Variants in C3orf22 observed in about 807,000 individuals in gnomAD.
The protein encoded by C3orf22 is uncharacterized protein C3orf22.
A neutral mutation model predicts 10.8 loss-of-function variants in C3orf22; 7 were observed. The ratio of observed to expected loss-of-function variants is 0.65; its 90% CI spans 0.37 to 1.22. The LOEUF is 1.22. Among genes scored for constraint, C3orf22 ranks in the 50% most tolerant of loss-of-function variants. The probability of loss-of-function intolerance (pLI) is 0.02; values close to 1 mark genes in which losing one functional copy is unlikely to be tolerated. For missense variants in C3orf22, 173 were observed against 177.0 expected, an observed-to-expected ratio of 0.98 and a Z score of 0.13; for synonymous variants, 79 against 78.9, an observed-to-expected ratio of 1.00 and a Z score of 0.00.
At chr3:126,551,596 C>T (rs774597016) in intron 3 of C3orf22, among the ~76,000 whole-genome samples, 1 of 152,196 alleles carries the variant, frequency 6.6e-6, no homozygotes, top group Non-Finnish European at 1.5e-5. Context: ...GAGGTCCCTG[C>T]CAGGGCCTCC....
intron 4 of C3orf22, chr3:126,542,693 C>T: frequency 7.4e-7 from 1 of 1,343,368 alleles, no homozygotes. Flanking sequence ...CGTGCACTCA[C>T]CTGGCCGCCG....
At chr3:126,527,738 T>C (rs966769801) in exon 6 of C3orf22, 3 of 152,058 alleles carry the variant, frequency 2.0e-5, no homozygotes, top group African/African-American at 7.3e-5. Flanking sequence ...TGGAGCCAAA[T>C]TGGTAGATGC....
At chr3:126,549,197 A>G (rs1035241964), downstream of C3orf22, among the ~76,000 whole-genome samples, 3 of 151,612 alleles carry the variant, frequency 2.0e-5, no homozygotes, top group Non-Finnish European at 4.4e-5. Context: ...TCCTGTCCCC[A>G]GGTCCCCCAT....
At chr3:126,557,960 T>C (rs1206501827) in intron 1 of C3orf22, among the ~76,000 whole-genome samples, 1 of 113,186 alleles carries the variant, frequency 8.8e-6, no homozygotes, top group Non-Finnish European at 1.8e-5. Context: ...CCCACAGTCC[T>C]GCAGCCACAG....
At chr3:126,529,226 C>A in exon 5 of C3orf22, 2 of 962,300 alleles carry the variant, frequency 2.1e-6, no homozygotes, top group South Asian at 1.3e-5. Flanking sequence ...GTGTTTCACC[C>A]GGTATCTTGA....
chr3:126,536,149 G>C (rs915323500), intron 4 of C3orf22: 2 of 749,258 alleles, frequency 2.7e-6, no homozygotes, highest in African/African-American at 3.5e-5. Flanking sequence ...AGGTAGGCAA[G>C]ATCCGGGAAG....
intron 1 of C3orf22, 92 bp from the exon 2 acceptor site, chr3:126,553,522 G>A (rs1276896574): frequency 2.6e-5 from 21 of 808,892 alleles, no homozygotes; most frequent in East Asian, 1.7e-4. Context: ...GGGTGCCTGC[G>A]GGCCGCCAAA....
chr3:126,541,685 C>T (rs1936958926), intron 4 of C3orf22: 2 of 1,380,672 alleles, frequency 1.4e-6, no homozygotes, highest in African/African-American at 1.5e-5. Flanking sequence ...GTCAGGGAGC[C>T]CGCGCTGCCC....
intron 4 of C3orf22, among the ~76,000 whole-genome samples, chr3:126,531,330 A>C (rs945471496): frequency 7.2e-5 from 11 of 152,376 alleles, no homozygotes; most frequent in Middle Eastern, 3.4e-3. Flanking sequence ...CCTGTTCCTC[A>C]GATTTCCCAA....
chr3:126,530,890 C>T (rs1936643593), intron 4 of C3orf22, among the ~76,000 whole-genome samples: 1 of 152,252 alleles, frequency 6.6e-6, no homozygotes, highest in South Asian at 2.1e-4. Flanking sequence ...GGAGTCTGGC[C>T]CTTGTTCCTG....
intron 4 of C3orf22, among the ~76,000 whole-genome samples, chr3:126,539,723 C>T (rs1391053083): frequency 9.6e-6 from 1 of 103,768 alleles, no homozygotes; most frequent in Non-Finnish European, 2.0e-5. Flanking sequence ...CACACACACC[C>T]CCCACACCAC....
chr3:126,537,506 C>T (rs1049094530), intron 4 of C3orf22, among the ~76,000 whole-genome samples: 51 of 152,162 alleles, frequency 3.4e-4, no homozygotes, highest in African/African-American at 1.2e-3. Context: ...GAGGGCTGAG[C>T]GGAAGGGGCC....
chr3:126,551,246 AC>A (rs373707860), intron 3 of C3orf22, among the ~76,000 whole-genome samples: 67 of 136,808 alleles, frequency 4.9e-4, no homozygotes, highest in East Asian at 1.8e-3. Flanking sequence ...GTCAACACAG[AC>A]CCCCCCCTGC....
chr3:126,539,772 A>ACGT, intron 4 of C3orf22, among the ~76,000 whole-genome samples: 1 of 63,482 alleles, frequency 1.6e-5, no homozygotes, highest in African/African-American at 7.6e-5. Context: ...CCACACACAC[A>ACGT]GCACACACAC....
At chr3:126,529,211 G>T in exon 5 of C3orf22, 7 of 835,122 alleles carry the variant, frequency 8.4e-6, no homozygotes, top group South Asian at 6.9e-5. Context: ...TAGGTTTCTA[G>T]TGTGGTGTTT....
intron 4 of C3orf22, among the ~76,000 whole-genome samples, chr3:126,536,941 C>G (rs1008175243): frequency 6.6e-6 from 1 of 151,398 alleles, no homozygotes; most frequent in Non-Finnish European, 1.5e-5. Context: ...CACACAAGTA[C>G]TTATTCGGAC....
Position 126,542,319 on chromosome 3 carries a change from C to G in C3orf22, c.286+7218G>C, listed in dbSNP as rs370535687. 23 of 1,568,850 alleles carry G rather than the reference C, an allele frequency of 1.5e-5. No individual in the cohort carries two copies. The highest frequency in any genetic ancestry group is 2.0e-5 in the Non-Finnish European group (23 of 1,160,682). On this transcript the variant is annotated intron_variant and NMD_transcript_variant, in intron 4 of 5. Transcript: ENST00000505070. The stretch of plus-strand genomic sequence containing the variant: ...GAGCGCGCGCACGCGCTCTGCCACC[C>G]GTGTCGCCTCCGCTACGACGTCGTG...
chr3:126,540,606 G>A (rs1217400432), intron 4 of C3orf22, among the ~76,000 whole-genome samples: 3 of 152,206 alleles, frequency 2.0e-5, no homozygotes, highest in Non-Finnish European at 4.4e-5. Flanking sequence ...TTGCATGGAT[G>A]GCCGCATACA....
intron 4 of C3orf22, among the ~76,000 whole-genome samples, chr3:126,534,643 C>T (rs999313920): frequency 2.0e-5 from 3 of 148,424 alleles, no homozygotes; most frequent in Non-Finnish European, 3.0e-5. Context: ...TGTCCTCAGC[C>T]GGGAGACAGA....
Sources: allele counts gnomAD v4.1 joint callset (sites outside exome capture counted in the v4.1 genomes callset), GRCh38; gene constraint gnomAD v4.1.1; transcripts MANE v1.5; gene names NCBI Gene and HGNC (gene_info 2026-07-23, HGNC 2026-07-21).